SLIT1: variants seen among roughly 807,000 people sequenced by gnomAD.
The protein encoded by SLIT1 is slit guidance ligand 1.
In SLIT1, 66 loss-of-function variants were observed where a neutral mutation model predicts 186.1. The observed-to-expected ratio is 0.35, with a 90% CI of 0.29 to 0.44. The LOEUF (loss-of-function observed/expected upper bound fraction) is 0.44, where lower values mean the gene tolerates loss of function less well. Among genes scored for constraint, SLIT1 ranks in the 20% least tolerant of loss-of-function variants. SLIT1 has a pLI of 1.00. For synonymous variants in SLIT1, 761 were observed against 833.8 expected, an observed-to-expected ratio of 0.91 and a Z score of 1.50; for missense variants, 1,638 against 2,037.4, an observed-to-expected ratio of 0.80 and a Z score of 3.77.
intron 1 of SLIT1, among the ~76,000 whole-genome samples, chr10:97,177,805 G>A (rs980633249): frequency 1.2e-4 from 18 of 152,048 alleles, no homozygotes; most frequent in Admixed American, 1.1e-3. Flanking sequence ...GTGAAACCTC[G>A]TCTCTATTAA....
At chr10:97,020,657 T>TC (rs1031716540) in intron 26 of SLIT1, among the ~76,000 whole-genome samples, 2 of 152,188 alleles carry the variant, frequency 1.3e-5, no homozygotes, top group South Asian at 2.1e-4. Flanking sequence ...TCCAGTGTCC[T>TC]CCCCCCGCTG....
intron 23 of SLIT1, among the ~76,000 whole-genome samples, chr10:97,034,112 G>T (rs1301536354): frequency 6.6e-6 from 1 of 152,152 alleles, no homozygotes. Context: ...TGATTCACCT[G>T]CCTCTGCCTC....
At chr10:97,149,995 G>A (rs2784924) in intron 4 of SLIT1, among the ~76,000 whole-genome samples, 134,304 of 152,146 alleles carry the variant, frequency 0.88, 60,047 homozygotes, top group Non-Finnish European at 0.95. Context: ...GTTTAACCAA[G>A]GAAGCTCCTT....
chr10:97,121,850 T>C (rs1317214704), intron 4 of SLIT1, among the ~76,000 whole-genome samples: 2 of 152,226 alleles, frequency 1.3e-5, no homozygotes, highest in South Asian at 2.1e-4. Context: ...TGGACACATA[T>C]GGCTTAACGG....
chr10:97,160,908 G>T (rs1196611047), intron 3 of SLIT1, among the ~76,000 whole-genome samples: 1 of 151,950 alleles, frequency 6.6e-6, no homozygotes, highest in Non-Finnish European at 1.5e-5. Context: ...TTTAGTAGAG[G>T]CAGGGTTTCA....
At chr10:97,110,194 C>T (rs1849452095) in intron 4 of SLIT1, among the ~76,000 whole-genome samples, 1 of 152,180 alleles carries the variant, frequency 6.6e-6, no homozygotes, top group South Asian at 2.1e-4. Context: ...GGTGCCAGCC[C>T]TTCACTCAAT....
intron 13 of SLIT1, among the ~76,000 whole-genome samples, chr10:97,052,866 TTTATTC>T (rs1183063512): frequency 2.0e-5 from 3 of 152,206 alleles, no homozygotes; most frequent in African/African-American, 7.2e-5. Context: ...TTCTATTTCT[TTTATTC>T]TTATTCCAAG....
chr10:97,166,554 G>GAGAGA (rs1491239491), intron 1 of SLIT1, among the ~76,000 whole-genome samples: 38 of 35,312 alleles, frequency 1.1e-3, no homozygotes, highest in South Asian at 4.4e-3. Flanking sequence ...AAGGAAGGAA[G>GAGAGA]GAAAGAGAGA....
chr10:97,011,158 G>A, intron 30 of SLIT1, 28 bp from the exon 31 acceptor site: 3 of 1,586,866 alleles, frequency 1.9e-6, no homozygotes, highest in Non-Finnish European at 2.6e-6. Flanking sequence ...GGGGTAGTTG[G>A]GGGGTCAGCC....
intron 4 of SLIT1, among the ~76,000 whole-genome samples, chr10:97,110,528 C>T (rs922824418): frequency 6.6e-6 from 1 of 152,136 alleles, no homozygotes; most frequent in African/African-American, 2.4e-5. Context: ...AAATGTAATA[C>T]TGAGTCCAAA....
intron 4 of SLIT1, among the ~76,000 whole-genome samples, chr10:97,080,379 C>G (rs907901027): frequency 6.6e-6 from 1 of 152,214 alleles, no homozygotes; most frequent in Non-Finnish European, 1.5e-5. Context: ...ACTAGCATCC[C>G]CAGCGGGGGC....
chr10:97,076,037 C>T (rs1009586423), intron 4 of SLIT1, among the ~76,000 whole-genome samples: 1 of 152,240 alleles, frequency 6.6e-6, no homozygotes, highest in East Asian at 1.9e-4. Context: ...CACCAAGGCC[C>T]GCCTTCCTGA....
intron 4 of SLIT1, among the ~76,000 whole-genome samples, chr10:97,145,855 G>A (rs1253405701): frequency 1.3e-5 from 2 of 152,160 alleles, no homozygotes; most frequent in African/African-American, 2.4e-5. Flanking sequence ...AGGAGCCCAG[G>A]GCTCCTTGCC....
chr10:97,021,104 G>C lies in SLIT1; in HGVS notation c.2746+146C>G. 1 of 670,270 alleles carries C rather than the reference G, an allele frequency of 1.5e-6. No individual in the cohort carries two copies. The highest frequency in any genetic ancestry group is 2.4e-6 in the Non-Finnish European group (1 of 412,562). 41.5% of individuals were successfully genotyped at this position (670,270 alleles called of 1,614,324 possible). A position where few individuals can be genotyped will look rare whatever the true frequency, so the allele number is the denominator to read the frequency against. On this transcript the variant is annotated intron_variant, in intron 26 of 36. Coordinates refer to ENST00000266058, the MANE Select transcript of SLIT1 (RefSeq NM_003061.3). The surrounding 1 kb of genome is among the most constrained non-coding windows in gnomAD (Gnocchi z 4.5). ...CATGATATGTCAGGATTGGAAGGCA[G>C]CCATCAAGCCGCAGGTGCCTTGTTC...
intron 24 of SLIT1, 92 bp from the exon 25 acceptor site, chr10:97,030,920 C>G: frequency 9.4e-7 from 1 of 1,059,172 alleles, no homozygotes; most frequent in Non-Finnish European, 1.5e-6. Flanking sequence ...AGAGAGGGGA[C>G]AGGCCGTGCC....
intron 13 of SLIT1, among the ~76,000 whole-genome samples, chr10:97,052,239 G>C (rs1017824352): frequency 6.6e-6 from 1 of 151,788 alleles, no homozygotes; most frequent in African/African-American, 2.4e-5. Context: ...TGGGACCACA[G>C]GCATGCACCA....
intron 4 of SLIT1, among the ~76,000 whole-genome samples, chr10:97,141,388 A>G (rs886199374): frequency 1.3e-5 from 2 of 152,148 alleles, no homozygotes; most frequent in Non-Finnish European, 2.9e-5. Flanking sequence ...CGCACCAAAC[A>G]GCCCCAGGCC....
intron 1 of SLIT1, among the ~76,000 whole-genome samples, chr10:97,171,017 G>A (rs1194002325): frequency 2.6e-5 from 4 of 152,032 alleles, no homozygotes; most frequent in Admixed American, 6.6e-5. Flanking sequence ...CACAGCTTGC[G>A]GTGGATGGAG....
At chr10:97,011,184 G>C in intron 30 of SLIT1, 54 bp from the exon 31 acceptor site, 1 of 1,336,168 alleles carries the variant, frequency 7.5e-7, no homozygotes. Flanking sequence ...GAGTCTGGGA[G>C]GCCAGGGGAG....
Sources: allele counts gnomAD v4.1 joint callset (sites outside exome capture counted in the v4.1 genomes callset), GRCh38; gene constraint gnomAD v4.1.1; non-coding constraint Gnocchi (gnomAD v3.1); transcripts MANE v1.5; gene names NCBI Gene and HGNC (gene_info 2026-07-23, HGNC 2026-07-21).